The following AGBL4 variants were observed in gnomAD, a reference collection of about 807,000 sequenced individuals.
AGBL4 encodes the protein cytosolic carboxypeptidase 6.
In AGBL4, 58 loss-of-function variants were observed where a neutral mutation model predicts 66.4. That is an observed-to-expected ratio of 0.87 (90% CI 0.71 to 1.09). The LOEUF is 1.09. Ranked by LOEUF, AGBL4 falls within the 50% of genes least tolerant of loss-of-function variation. The pLI is 0.00. For missense variants in AGBL4, 579 were observed against 631.0 expected (o/e 0.92, Z 0.88); for synonymous variants, 234 against 222.9 (o/e 1.05, Z -0.44).
At chr1:49,320,273 T>A (rs1015315016) in intron 3 of AGBL4, among the ~76,000 whole-genome samples, 15 of 151,798 alleles carry the variant, frequency 9.9e-5, no homozygotes, top group South Asian at 6.3e-4. Flanking sequence ...AAAAAAAAAA[T>A]TTAAACCATA....
At chr1:48,859,268 A>G (rs1470680953) in intron 6 of AGBL4, among the ~76,000 whole-genome samples, 1 of 152,138 alleles carries the variant, frequency 6.6e-6, no homozygotes, top group Non-Finnish European at 1.5e-5. Flanking sequence ...TCTCTGACCC[A>G]TTGGAATCTG....
At position 49,644,171 on chromosome 1, in the gene AGBL4, T is replaced by A. The variant is rs1372593374; in HGVS notation, c.282+53142A>T. Among the ~76,000 whole-genome samples the A allele has an allele frequency of 3.3e-5, 5 of 151,418 alleles. No homozygotes were observed. In the East Asian group the frequency reaches 7.7e-4, roughly 23 times the overall value. ...ATAAATTGAAGATGTATACTATAAA[T>A]CCTAAAGCAACCACTAAAATAATAC... On this transcript the variant is annotated intron_variant, in intron 3 of 13. Transcript: ENST00000371839.
intron 6 of AGBL4, among the ~76,000 whole-genome samples, chr1:48,665,899 C>T (rs775043831): frequency 2.0e-5 from 3 of 152,214 alleles, no homozygotes; most frequent in Admixed American, 6.5e-5. Flanking sequence ...GATGTCTCCC[C>T]TGACCCCGTA....
rs147525029 is a variant in AGBL4 at position 50,021,839 on chromosome 1, A to G, written c.34+1924T>C. 2.0e-5 allele frequency among the ~76,000 whole-genome samples: 3 copies of G among 152,258 alleles called. No individual in the cohort carries two copies. The East Asian group carries it at 5.8e-4, about 29-fold the overall frequency. ...GCATGCTCCCACTTAAAAGCCTTCA[A>G]TGGCTTCCCATTATTCTTAGGATTT... On this transcript the variant is annotated intron_variant, in intron 1 of 13. Coordinates refer to ENST00000371839, the MANE Select transcript of AGBL4 (RefSeq NM_032785.4).
At chr1:48,604,276 T>C (rs1445853682) in intron 9 of AGBL4, among the ~76,000 whole-genome samples, 1 of 152,094 alleles carries the variant, frequency 6.6e-6, no homozygotes, top group African/African-American at 2.4e-5. Context: ...GATTCCCAGG[T>C]TTCTGGATTG....
At chr1:49,910,704 G>A (rs910687320) in intron 1 of AGBL4, among the ~76,000 whole-genome samples, 1 of 152,002 alleles carries the variant, frequency 6.6e-6, no homozygotes, top group Non-Finnish European at 1.5e-5. Flanking sequence ...CGCCAGGCAC[G>A]GTGGCTCACG....
chr1:49,689,412 A>T (rs1646844984), intron 3 of AGBL4, among the ~76,000 whole-genome samples: 1 of 152,070 alleles, frequency 6.6e-6, no homozygotes, highest in Admixed American at 6.6e-5. Flanking sequence ...TGAGTTCTCT[A>T]TTCTGTTCCT....
At chr1:49,244,700 A>G (rs1651500199) in intron 4 of AGBL4, among the ~76,000 whole-genome samples, 1 of 151,848 alleles carries the variant, frequency 6.6e-6, no homozygotes, top group African/African-American at 2.4e-5. Flanking sequence ...GCATTTGTAT[A>G]GGGTTTTATA....
At chr1:49,179,052 T>C (rs963269849) in intron 4 of AGBL4, among the ~76,000 whole-genome samples, 1 of 152,206 alleles carries the variant, frequency 6.6e-6, no homozygotes, top group Non-Finnish European at 1.5e-5. Context: ...GCTTATGCTT[T>C]TTTAATTTTT....
At chr1:49,892,781 C>G (rs1557554481) in intron 1 of AGBL4, among the ~76,000 whole-genome samples, 1 of 152,122 alleles carries the variant, frequency 6.6e-6, no homozygotes, top group African/African-American at 2.4e-5. Context: ...CTAGATGTCA[C>G]CTATTCCTCA....
At chr1:49,264,601 AGCGGCGCTATC>A (rs879279220) in intron 3 of AGBL4, among the ~76,000 whole-genome samples, 1 of 151,496 alleles carries the variant, frequency 6.6e-6, no homozygotes, top group East Asian at 1.9e-4. Flanking sequence ...GCTGGAGTGC[AGCGGCGCTATC>A]GTGGCTCACT....
intron 1 of AGBL4, among the ~76,000 whole-genome samples, chr1:50,022,694 G>A (rs1662541916): frequency 6.7e-6 from 1 of 149,854 alleles, no homozygotes; most frequent in Non-Finnish European, 1.5e-5. Context: ...GATCACTCTT[G>A]TAATGATAAT....
At chr1:48,846,371 A>AAGAAAG (rs1227250812) in intron 6 of AGBL4, among the ~76,000 whole-genome samples, 2 of 113,278 alleles carry the variant, frequency 1.8e-5, no homozygotes, top group Non-Finnish European at 3.4e-5. Flanking sequence ...AGAAGAAAGA[A>AAGAAAG]AGAAAGAAAG....
intron 2 of AGBL4, among the ~76,000 whole-genome samples, chr1:49,812,369 G>C (rs1268671252): frequency 6.6e-6 from 1 of 152,102 alleles, no homozygotes; most frequent in African/African-American, 2.4e-5. Flanking sequence ...CTACATTCTA[G>C]GGCTGTTAAG....
chr1:49,268,449 CAA>C (rs1553174856), intron 3 of AGBL4, among the ~76,000 whole-genome samples: 2 of 142,564 alleles, frequency 1.4e-5, no homozygotes, highest in African/African-American at 2.8e-5. Flanking sequence ...CACACACACA[CAA>C]ATACAAGATC....
chr1:48,693,788 G>T (rs1334449532), intron 6 of AGBL4, among the ~76,000 whole-genome samples: 2 of 152,178 alleles, frequency 1.3e-5, no homozygotes, highest in African/African-American at 4.8e-5. Flanking sequence ...ACCTGGAAGG[G>T]CACTGACAGC....
At chr1:49,767,937 C>T (rs1187973999) in intron 2 of AGBL4, among the ~76,000 whole-genome samples, 4 of 149,308 alleles carry the variant, frequency 2.7e-5, no homozygotes, top group Admixed American at 6.7e-5. Context: ...ATATCAAGTT[C>T]GAAAATTGAA....
intron 11 of AGBL4, among the ~76,000 whole-genome samples, chr1:48,568,722 G>A (rs1644514157): frequency 6.6e-6 from 1 of 152,192 alleles, no homozygotes; most frequent in Admixed American, 6.5e-5. Context: ...GGCCTAGAAT[G>A]TCCATTTCAT....
intron 2 of AGBL4, among the ~76,000 whole-genome samples, chr1:49,713,311 T>A (rs1211327325): frequency 1.3e-5 from 2 of 152,040 alleles, no homozygotes; most frequent in African/African-American, 4.8e-5. Context: ...AACTCCAAGC[T>A]TACAGGGGCT....
Sources: gnomAD v4.1 joint callset for allele counts (sites outside exome capture counted in the v4.1 genomes callset) on GRCh38, gnomAD v4.1.1 for gene constraint, MANE v1.5 for transcripts, NCBI Gene and HGNC (gene_info 2026-07-23, HGNC 2026-07-21) for gene names.